The following ME2 variants were observed in gnomAD, a reference collection of about 807,000 sequenced individuals.
ME2 encodes the protein malic enzyme 2.
Under a neutral mutation model 73.7 loss-of-function variants are expected in ME2, and 60 were observed. The ratio of observed to expected loss-of-function variants is 0.81; its 90% CI spans 0.66 to 1.01. ME2 has a LOEUF of 1.01. Ranked by LOEUF, ME2 falls within the 50% of genes least tolerant of loss-of-function variation. The pLI is 0.00. For missense variants in ME2, 594 were observed against 705.5 expected (o/e 0.84, Z 1.79); for synonymous variants, 199 against 236.9 (o/e 0.84, Z 1.47).
At chr18:50,914,711 G>A (rs1599105963) in intron 4 of ME2, among the ~76,000 whole-genome samples, 1 of 152,140 alleles carries the variant, frequency 6.6e-6, no homozygotes, top group Non-Finnish European at 1.5e-5. Context: ...GAACTAAACT[G>A]ATTTGAACTG....
At chr18:50,940,534 A>G (rs1306260907) in intron 15 of ME2, 148 bp downstream of exon 15, 4 of 616,350 alleles carry the variant, frequency 6.5e-6, no homozygotes, top group South Asian at 2.2e-5. Flanking sequence ...AATATAACAC[A>G]CATGATTATT....
Position 50,924,934 on chromosome 18 carries a change from G to A in ME2, c.1171+722G>A, listed in dbSNP as rs371964532. ...TGACCTCAGGTGATCCACCTGCCTC[G>A]GCGGGTGAGACTCCATCTCAAAAAA... On this transcript the variant is annotated intron_variant, in intron 11 of 15. Coordinates refer to ENST00000321341, the MANE Select transcript of ME2 (RefSeq NM_002396.5). Among the ~76,000 whole-genome samples, 26 of 151,614 alleles carry A rather than the reference G, an allele frequency of 1.7e-4. No individual in the cohort carries two copies. The East Asian group carries it at 3.3e-3, about 19-fold the overall frequency.
chr18:50,895,521 C>T (rs1453879172), intron 1 of ME2, among the ~76,000 whole-genome samples: 1 of 152,168 alleles, frequency 6.6e-6, no homozygotes, highest in East Asian at 1.9e-4. Flanking sequence ...GTTTCTGTTA[C>T]AAGTGGGAGA....
At chr18:50,920,423 C>A in intron 7 of ME2, 33 bp from the exon 8 acceptor site, 2 of 1,391,294 alleles carry the variant, frequency 1.4e-6, no homozygotes, top group Non-Finnish European at 2.0e-6. Flanking sequence ...GTGTTATTTT[C>A]AACACAACTA....
At chr18:50,914,705 T>G (rs1442728040) in intron 4 of ME2, among the ~76,000 whole-genome samples, 2 of 152,204 alleles carry the variant, frequency 1.3e-5, no homozygotes, top group Admixed American at 6.5e-5. Context: ...ATTGCTGAAC[T>G]AAACTGATTT....
intron 1 of ME2, among the ~76,000 whole-genome samples, chr18:50,880,191 A>G (rs1033539929): frequency 1.2e-4 from 19 of 152,154 alleles, no homozygotes; most frequent in African/African-American, 4.1e-4. Context: ...TTCTACACGG[A>G]TTATCTCAAA....
rs1340185351 is a variant in ME2, at chr18:50,953,844, A to C, written c.*6660A>C. Reference sequence around the variant, plus strand: ...ACCTAGTTTAGCTAAATATATGACAATATAAAATGTCTGCCCAATGTTTTA... The same window carrying C: ...ACCTAGTTTAGCTAAATATATGACACTATAAAATGTCTGCCCAATGTTTTA... On this transcript the variant is annotated 3_prime_UTR_variant, in exon 16 of 16. Transcript: ENST00000321341. 1 of 152,256 alleles carries C rather than the reference A, an allele frequency of 6.6e-6. No individual in the cohort carries two copies. The highest frequency in any genetic ancestry group is 1.9e-4 in the East Asian group (1 of 5,202). The allele number at this position is 152,256 out of a possible 1,614,324, so 9.4% of individuals were successfully genotyped here. A position where few individuals can be genotyped will look rare whatever the true frequency, so the allele number is the denominator to read the frequency against.
At chr18:50,928,834 G>A (rs751433456) in intron 12 of ME2, among the ~76,000 whole-genome samples, 1 of 152,064 alleles carries the variant, frequency 6.6e-6, no homozygotes, top group East Asian at 1.9e-4. Flanking sequence ...GAGACTTTGG[G>A]TGGCTTTGCT....
chr18:50,905,646 G>C (rs888146697), intron 2 of ME2, among the ~76,000 whole-genome samples: 8 of 152,174 alleles, frequency 5.3e-5, no homozygotes, highest in Non-Finnish European at 1.0e-4. Flanking sequence ...GGGACAACTC[G>C]AAGTGGGGGC....
intron 2 of ME2, among the ~76,000 whole-genome samples, chr18:50,898,316 CTATT>C (rs1233770425): frequency 6.6e-6 from 1 of 152,172 alleles, no homozygotes; most frequent in Non-Finnish European, 1.5e-5. Context: ...ACAATTTTAA[CTATT>C]TAAAAGTATA....
At chr18:50,935,920 T>A (rs540770275) in intron 13 of ME2, among the ~76,000 whole-genome samples, 1 of 151,372 alleles carries the variant, frequency 6.6e-6, no homozygotes, top group Non-Finnish European at 1.5e-5. Context: ...AGATCTTTAA[T>A]TGAAGTCCTA....
At chr18:50,880,175 G>C (rs1916280442) in intron 1 of ME2, among the ~76,000 whole-genome samples, 1 of 152,184 alleles carries the variant, frequency 6.6e-6, no homozygotes, top group East Asian at 1.9e-4. Flanking sequence ...CAGGCAGAGC[G>C]CTAGTTTCTA....
intron 15 of ME2, among the ~76,000 whole-genome samples, chr18:50,940,967 A>G (rs373036355): frequency 6.6e-6 from 1 of 152,186 alleles, no homozygotes; most frequent in East Asian, 1.9e-4. Flanking sequence ...TGTTAGAAAT[A>G]ACACTGTAGG....
Position 50,916,249 on chromosome 18 carries a change from A to G in ME2, c.468+6A>G, listed in dbSNP as rs1337376279. ...GGCCAGAAAATCATGTTAAGGTACT[A>G]ATAGCACAACCCTCCTTTTCACAAT... On this transcript the variant is annotated splice_donor_region_variant and intron_variant, in intron 5 of 15. Coordinates refer to ENST00000321341, the MANE Select transcript of ME2 (RefSeq NM_002396.5). The G allele has an allele frequency of 1.3e-6, 2 of 1,598,614 alleles. No individual in the cohort carries two copies. Among genetic ancestry groups the G allele is most frequent in the Non-Finnish European group, 1.7e-6 (2 of 1,167,340 alleles).
rs1388683869 is a variant in ME2, at chr18:50,946,814, AG to A, written c.1588-202del. On this transcript the variant is annotated intron_variant, in intron 15 of 15. Coordinates refer to ENST00000321341, the MANE Select transcript of ME2 (RefSeq NM_002396.5). ...AATGTATTTACTAGAATGACACAGTAGAACTTAAATGTGTTTGGTTTTATCT... is the reference window on the plus strand; with the variant it reads ...AATGTATTTACTAGAATGACACAGTAAACTTAAATGTGTTTGGTTTTATCT... Among the ~76,000 whole-genome samples the A allele has an allele frequency of 2.0e-5, 3 of 152,352 alleles. No individual in the cohort carries two copies. The East Asian group carries it at 5.8e-4, about 29-fold the overall frequency.
At chr18:50,925,607 T>C (rs1917532479) in intron 11 of ME2, 149 bp from the exon 12 acceptor site, 1 of 618,476 alleles carries the variant, frequency 1.6e-6, no homozygotes, top group Non-Finnish European at 2.8e-6. Context: ...TGTGTTCTCA[T>C]AGATTTTGCA....
chr18:50,885,656 G>A (rs1029276065), intron 1 of ME2, among the ~76,000 whole-genome samples: 1 of 151,906 alleles, frequency 6.6e-6, no homozygotes, highest in Non-Finnish European at 1.5e-5. Flanking sequence ...ATTCTGGGGA[G>A]AAAGCTACTT....
At chr18:50,879,643 CTT>C (rs1413364416) in intron 1 of ME2, among the ~76,000 whole-genome samples, 1 of 152,256 alleles carries the variant, frequency 6.6e-6, no homozygotes, top group Admixed American at 6.5e-5. Flanking sequence ...GCCAGCATCT[CTT>C]TCTCGCTCTT....
Position 50,895,929 on chromosome 18 carries a change from G to T in ME2, c.108+1G>T, listed in dbSNP as rs759711078. 2.2e-5 allele frequency: 35 copies of T among 1,584,288 alleles called. 1 individual carries two copies. Among genetic ancestry groups the T allele is most frequent in the Non-Finnish European group, 2.9e-5 (34 of 1,153,452 alleles). ...TATGCTGAACCCAAGAACAAACAAG[G>T]TTAGTAACATTAATATCAATGTACA... On this transcript the variant is annotated splice_donor_variant, in intron 2 of 15. Transcript: ENST00000321341. LOFTEE classifies it high-confidence loss of function.
Sources: allele counts gnomAD v4.1 joint callset (sites outside exome capture counted in the v4.1 genomes callset), GRCh38; gene constraint gnomAD v4.1.1; transcripts MANE v1.5; gene names NCBI Gene and HGNC (gene_info 2026-07-23, HGNC 2026-07-21).